The following KIAA1614 variants were observed in gnomAD, a reference collection of about 807,000 sequenced individuals.
KIAA1614 encodes KIAA1614.
A neutral mutation model predicts 88.7 loss-of-function variants in KIAA1614; 76 were observed. The observed-to-expected ratio is 0.86, with a 90% CI of 0.71 to 1.04. The LOEUF (loss-of-function observed/expected upper bound fraction) is 1.04. KIAA1614 is among the 50% of genes least tolerant of loss of function. The probability of loss-of-function intolerance (pLI) is 0.00; values close to 1 mark genes in which losing one functional copy is unlikely to be tolerated. For missense variants in KIAA1614, 1,553 were observed against 1,582.5 expected (o/e 0.98, Z 0.32); for synonymous variants, 714 against 675.5 (o/e 1.06, Z -0.88).
At chr1:180,924,315 G>A (rs3845414) in intron 3 of KIAA1614, among the ~76,000 whole-genome samples, 143,063 of 152,330 alleles carry the variant, frequency 0.94, 67,229 homozygotes, top group Middle Eastern at 1. Flanking sequence ...AGGGCATCTC[G>A]GACACCTGCC....
intron 3 of KIAA1614, among the ~76,000 whole-genome samples, chr1:180,920,469 G>A (rs759937787): frequency 9.2e-5 from 14 of 152,218 alleles, no homozygotes; most frequent in African/African-American, 2.9e-4. Context: ...CAGTCAGGAC[G>A]TGCTCTGGCA....
At chr1:180,944,188 C>A in intron 7 of KIAA1614, 1 of 433,272 alleles carries the variant, frequency 2.3e-6, no homozygotes, top group Non-Finnish European at 4.1e-6. Context: ...CAAAAACTCC[C>A]TTGACTCCTC....
intron 7 of KIAA1614, 65 bp downstream of exon 7, chr1:180,941,350 A>G: frequency 1.3e-6 from 2 of 1,537,058 alleles, no homozygotes; most frequent in Non-Finnish European, 1.8e-6. Context: ...TCAGAATGAA[A>G]AGTGAAAGGA....
intron 3 of KIAA1614, among the ~76,000 whole-genome samples, chr1:180,922,067 C>T (rs761540337): frequency 2.6e-5 from 4 of 152,248 alleles, no homozygotes; most frequent in African/African-American, 9.6e-5. Flanking sequence ...CGCGCCAGGG[C>T]GGCCAGCCCG....
At chr1:180,942,594 G>A (rs1044346053) in intron 7 of KIAA1614, among the ~76,000 whole-genome samples, 2 of 152,268 alleles carry the variant, frequency 1.3e-5, no homozygotes, top group African/African-American at 2.4e-5. Context: ...CAGAGAAACC[G>A]CCGCAGATAT....
chr1:180,926,542 A>G (rs12128456), intron 3 of KIAA1614, among the ~76,000 whole-genome samples: 40,412 of 151,852 alleles, frequency 0.27, 6,092 homozygotes, highest in Middle Eastern at 0.35. Context: ...GCAAAGCTGG[A>G]AAATGGCTTT....
Position 180,940,873 on chromosome 1 carries a change from G to A in KIAA1614, c.2919-172G>A, listed in dbSNP as rs546518943. On this transcript the variant is annotated intron_variant, in intron 6 of 8. Transcript: ENST00000367588. ...ACCACAGACAGGAGCCACCACACCCGGCTTCCACTTGGCCTTTCTTTCTAC... is the reference window on the plus strand; with the variant it reads ...ACCACAGACAGGAGCCACCACACCCAGCTTCCACTTGGCCTTTCTTTCTAC... Among the ~76,000 whole-genome samples the A allele has an allele frequency of 2.7e-3, 417 of 151,996 alleles. 1 individual carries two copies. Among genetic ancestry groups the A allele is most frequent in the African/African-American group, 9.2e-3 (382 of 41,442 alleles).
chr1:180,935,498 C>G lies in KIAA1614; in HGVS notation c.1589C>G (p.Pro530Arg). The G allele has an allele frequency of 6.6e-7, 1 of 1,506,026 alleles. No individual in the cohort carries two copies. Among genetic ancestry groups the G allele is most frequent in the Non-Finnish European group, 8.8e-7 (1 of 1,132,440 alleles). 93.3% of individuals were successfully genotyped at this position (1,506,026 alleles called of 1,614,324 possible). ...AGGGGACACCCGGCACCGCCGGCAC[C>G]GGGCAGCGAGAGGAGGTGCCAGGCC... is the stretch of plus-strand genomic sequence containing the variant. The part of the protein sequence containing the change: ...DRRGHPAPPA[P>R]GSERRCQACG... Residue 530 changes from proline to arginine, a missense_variant, in exon 5 of 9, where the codon CCG becomes CGG. Pro to Arg is a moderately radical substitution (Grantham distance 103). Transcript: ENST00000367588. This position sits in a 1 kb window ranked among gnomAD's most constrained non-coding sequence, Gnocchi z 6.1.
Position 180,935,723 on chromosome 1 carries a change from C to G in KIAA1614, c.1814C>G (p.Pro605Arg). The change falls in exon 5 of 9, where the codon CCT becomes CGT. Residue 605 changes from proline (P) to arginine (R), a missense_variant. Transcript: ENST00000367588. This position sits in a 1 kb window ranked among gnomAD's most constrained non-coding sequence, Gnocchi z 6.1. The stretch of plus-strand genomic sequence containing the variant: ...ACACACATCGGAGACACCGTGTGCC[C>G]TGCGGAGGTGGACTCTGCCCTGGAC... ...RETHIGDTVC[P>R]AEVDSALDST... The G allele has an allele frequency of 6.2e-7, 1 of 1,613,820 alleles. No homozygotes were observed.
rs374751734 is a variant in KIAA1614 at position 180,936,329 on chromosome 1, C to T, written c.2420C>T (p.Ala807Val). The change falls in exon 5 of 9, where the codon GCG (alanine) becomes GTG (valine). Residue 807 changes from alanine (A) to valine (V), a missense_variant. Coordinates refer to ENST00000367588, the MANE Select transcript of KIAA1614 (RefSeq NM_020950.2). ...PTASLCPEGW[A>V]PTPPPSRKTT... is the part of the protein sequence containing the mutation. Reference sequence around the variant, plus strand: ...GCTTCCTTGTGTCCTGAAGGCTGGGCGCCAACCCCTCCCCCTTCGAGGAAA... The same window carrying T: ...GCTTCCTTGTGTCCTGAAGGCTGGGTGCCAACCCCTCCCCCTTCGAGGAAA... The T allele has an allele frequency of 2.1e-5, 34 of 1,614,028 alleles. No individual in the cohort carries two copies. Among genetic ancestry groups the T allele is most frequent in the South Asian group, 1.8e-4 (16 of 91,084 alleles).
chr1:180,924,321 C>T (rs1214059941), intron 3 of KIAA1614, among the ~76,000 whole-genome samples: 1 of 152,230 alleles, frequency 6.6e-6, no homozygotes, highest in South Asian at 2.1e-4. Context: ...TCTCGGACAC[C>T]TGCCTCCTCT....
At position 180,945,126 on chromosome 1, in the gene KIAA1614, G is replaced by A. The variant is rs145065237; in HGVS notation, c.3288-177G>A. On this transcript the variant is annotated intron_variant, in intron 8 of 8. Transcript: ENST00000367588. Reference sequence around the variant, plus strand: ...GCCTTGGGGGGCCTTGCACAGCGGCGGAAACCCACCAGTTTTGGCCCTAGC... The same window carrying A: ...GCCTTGGGGGGCCTTGCACAGCGGCAGAAACCCACCAGTTTTGGCCCTAGC... The A allele has an allele frequency of 2.9e-3, 1,942 of 662,292 alleles. 9 individuals are homozygous for A. Among genetic ancestry groups the A allele is most frequent in the African/African-American group, 9.4e-3 (490 of 52,222 alleles). 41.0% of individuals were successfully genotyped at this position (662,292 alleles called of 1,614,324 possible).
chr1:180,913,096 C>T lies in KIAA1614; in HGVS notation c.-148C>T. The T allele has an allele frequency of 2.1e-6, 1 of 486,036 alleles. No individual in the cohort carries two copies. Among genetic ancestry groups the T allele is most frequent in the Non-Finnish European group, 3.2e-6 (1 of 314,614 alleles). The allele number at this position is 486,036 out of a possible 1,614,324, so 30.1% of individuals were successfully genotyped here. Reference sequence around the variant, plus strand: ...AGCTGGCCCGGCCTCGGCGCCGTCCCGGACCCCCAGTCGGCCGCGCCCCGA... The same window carrying T: ...AGCTGGCCCGGCCTCGGCGCCGTCCTGGACCCCCAGTCGGCCGCGCCCCGA... On this transcript the variant is annotated 5_prime_UTR_variant, in exon 1 of 9. Coordinates refer to ENST00000367588, the MANE Select transcript of KIAA1614 (RefSeq NM_020950.2).
intron 4 of KIAA1614, 44 bp downstream of exon 4, chr1:180,928,617 G>C: frequency 6.9e-6 from 11 of 1,589,788 alleles, no homozygotes; most frequent in Non-Finnish European, 9.4e-6. Context: ...GGCCATAGCA[G>C]GGAAGAGTCA....
At chr1:180,937,646 C>G (rs1341215445) in intron 5 of KIAA1614, among the ~76,000 whole-genome samples, 4 of 152,188 alleles carry the variant, frequency 2.6e-5, no homozygotes, top group Admixed American at 6.5e-5. Context: ...GGCTTGGCAA[C>G]AGAGTGGAGG....
In KIAA1614 at chr1:180,935,843, C is replaced by T. The variant is rs776463337; in HGVS notation, c.1934C>T (p.Pro645Leu). 1.9e-6 allele frequency: 3 copies of T among 1,613,612 alleles called. No homozygotes were observed. Among genetic ancestry groups the T allele is most frequent in the Admixed American group, 3.3e-5 (2 of 60,010 alleles). Reference protein sequence around the residue: ...WACGRTQGSSPRLRLRGSRPR... With the variant: ...WACGRTQGSSLRLRLRGSRPR... ...TGTGGGCGGACCCAAGGCAGCAGCC[C>T]GCGACTGCGACTGCGGGGCTCCAGG... The change falls in exon 5 of 9, where the codon CCG (proline) becomes CTG (leucine). Residue 645 changes from proline (P) to leucine (L), a missense_variant. Coordinates refer to ENST00000367588, the MANE Select transcript of KIAA1614 (RefSeq NM_020950.2). This position sits in a 1 kb window ranked among gnomAD's most constrained non-coding sequence, Gnocchi z 6.1.
rs150865621 is a variant in KIAA1614, at chr1:180,948,485, G to A, written c.*2897G>A. 2 of 152,380 alleles carry A rather than the reference G, an allele frequency of 1.3e-5. No individual in the cohort carries two copies. Among genetic ancestry groups the A allele is most frequent in the Non-Finnish European group, 2.9e-5 (2 of 68,054 alleles). The allele number at this position is 152,380 out of a possible 1,614,324, so 9.4% of individuals were successfully genotyped here. ...TGTCATATTTGTGTCACGAATTTCA[G>A]TTGCGAAACCTACCCGAGTCTCCCC... is the stretch of plus-strand genomic sequence containing the variant. On this transcript the variant is annotated 3_prime_UTR_variant, in exon 9 of 9. Transcript: ENST00000367588.
intron 2 of KIAA1614, 70 bp from the exon 3 acceptor site, chr1:180,917,781 T>A: frequency 8.1e-7 from 1 of 1,240,562 alleles, no homozygotes; most frequent in Non-Finnish European, 1.2e-6. Flanking sequence ...CTCCTCAGTG[T>A]TCACTAAGTG....
At position 180,928,418 on chromosome 1, in the gene KIAA1614, G is replaced by A. The variant is rs770493539; in HGVS notation, c.1062-12G>A. On this transcript the variant is annotated splice_polypyrimidine_tract_variant and intron_variant, in intron 3 of 8. Transcript: ENST00000367588. Reference sequence around the variant, plus strand: ...CCTCCCCCACCACCCTGGCCTGTGTGCCACGCTGCAGGACCGTTGGTCCCA... The same window carrying A: ...CCTCCCCCACCACCCTGGCCTGTGTACCACGCTGCAGGACCGTTGGTCCCA... 5.0e-6 allele frequency: 8 copies of A among 1,590,088 alleles called. No individual in the cohort carries two copies. Among genetic ancestry groups the A allele is most frequent in the Admixed American group, 1.7e-5 (1 of 57,942 alleles).
Sources: allele counts gnomAD v4.1 joint callset (sites outside exome capture counted in the v4.1 genomes callset), GRCh38; gene constraint gnomAD v4.1.1; non-coding constraint Gnocchi (gnomAD v3.1); transcripts MANE v1.5; gene names NCBI Gene and HGNC (gene_info 2026-07-23, HGNC 2026-07-21).